The following ARHGAP26 variants were observed in gnomAD, a reference collection of about 807,000 sequenced individuals.
ARHGAP26 encodes Rho GTPase activating protein 26.
A neutral mutation model predicts 104.8 loss-of-function variants in ARHGAP26; 38 were observed. The ratio of observed to expected loss-of-function variants is 0.36; its 90% CI spans 0.28 to 0.48. ARHGAP26 has a LOEUF of 0.48. Ranked by LOEUF, ARHGAP26 falls within the 20% of genes least tolerant of loss-of-function variation. The pLI is 0.99. For missense variants in ARHGAP26, 704 were observed against 947.9 expected (o/e 0.74, Z 3.38); for synonymous variants, 341 against 340.0 (o/e 1.00, Z -0.03).
At chr5:143,084,684 A>G (rs922281729) in intron 17 of ARHGAP26, among the ~76,000 whole-genome samples, 1 of 152,170 alleles carries the variant, frequency 6.6e-6, no homozygotes, top group Non-Finnish European at 1.5e-5. Context: ...TGCTTTGGGA[A>G]TAACCAGCTG....
intron 10 of ARHGAP26, chr5:142,921,856 T>C (rs576913851): frequency 1.3e-5 from 2 of 152,346 alleles, no homozygotes; most frequent in East Asian, 3.8e-4. Context: ...TCTGAAAACA[T>C]GGCTGTTGAA....
intron 12 of ARHGAP26, among the ~76,000 whole-genome samples, chr5:143,027,940 G>A (rs1221382786): frequency 6.6e-6 from 1 of 152,184 alleles, no homozygotes; most frequent in Non-Finnish European, 1.5e-5. Flanking sequence ...TTGTTCACTG[G>A]AGTTGAGAGC....
intron 11 of ARHGAP26, among the ~76,000 whole-genome samples, chr5:142,949,020 G>A (rs1456030026): frequency 1.3e-5 from 2 of 151,680 alleles, no homozygotes; most frequent in Non-Finnish European, 2.9e-5. Context: ...CAGGAGAATC[G>A]CTTGAACCTG....
chr5:143,215,192 A>G (rs1456121979), intron 22 of ARHGAP26, among the ~76,000 whole-genome samples: 1 of 152,226 alleles, frequency 6.6e-6, no homozygotes, highest in Non-Finnish European at 1.5e-5. Context: ...GTCAGCAAGG[A>G]AGGGGCTTCT....
intron 11 of ARHGAP26, among the ~76,000 whole-genome samples, chr5:142,980,868 A>G (rs530707692): frequency 1.1e-3 from 174 of 152,226 alleles, no homozygotes; most frequent in African/African-American, 3.1e-3. Flanking sequence ...GAGGGTTTCA[A>G]TTGTTCCATG....
chr5:142,954,465 A>G (rs1015129596), intron 11 of ARHGAP26, among the ~76,000 whole-genome samples: 2 of 151,754 alleles, frequency 1.3e-5, no homozygotes, highest in South Asian at 2.1e-4. Context: ...CGCAACCTCA[A>G]CTCTTCTGGA....
chr5:142,977,185 G>C (rs996201901), intron 11 of ARHGAP26, among the ~76,000 whole-genome samples: 2 of 152,208 alleles, frequency 1.3e-5, no homozygotes. Context: ...AAGAACAGAT[G>C]TTCCTCATAA....
chr5:143,168,943 G>A (rs1263235945), intron 20 of ARHGAP26: 3 of 152,186 alleles, frequency 2.0e-5, no homozygotes, highest in Non-Finnish European at 2.9e-5. Context: ...TCATTTGGAT[G>A]GGTAGCATCC....
intron 11 of ARHGAP26, among the ~76,000 whole-genome samples, chr5:142,957,478 T>A (rs1053412588): frequency 6.6e-6 from 1 of 152,206 alleles, no homozygotes; most frequent in Non-Finnish European, 1.5e-5. Flanking sequence ...TTGGTCCTCA[T>A]GTTAGGGGAT....
At chr5:142,959,630 A>C (rs145453074) in intron 11 of ARHGAP26, among the ~76,000 whole-genome samples, 1 of 152,206 alleles carries the variant, frequency 6.6e-6, no homozygotes, top group Non-Finnish European at 1.5e-5. Context: ...AATCCACCCT[A>C]TGCTTCACAT....
intron 17 of ARHGAP26, among the ~76,000 whole-genome samples, chr5:143,113,002 A>T (rs1202680229): frequency 2.0e-5 from 3 of 152,182 alleles, no homozygotes; most frequent in Admixed American, 1.3e-4. Flanking sequence ...GATCAATGGT[A>T]ATTCTGAGTC....
In ARHGAP26 at chr5:142,873,328, A is replaced by T. The variant is rs1755610938; in HGVS notation, c.155-72A>T. The T allele has an allele frequency of 1.1e-5, 12 of 1,129,678 alleles. No individual in the cohort carries two copies. The South Asian group carries it at 1.4e-4, about 13-fold the overall frequency. 70.0% of individuals were successfully genotyped at this position (1,129,678 alleles called of 1,614,324 possible). ...CTCCTAAGATATTCCTAGAAGGACC[A>T]ATAAGGGCAGCAAATCAGAAAGCCA... is the stretch of plus-strand genomic sequence containing the variant. On this transcript the variant is annotated intron_variant, in intron 1 of 22. Transcript: ENST00000645722.
rs1380973361 is a variant in ARHGAP26 at position 142,963,163 on chromosome 5, GGTATATATGTAT to G, written c.1107+31039_1107+31050del. ...TTTTTATGGCTGTGTAGTATTCCATGGTATATATGTATATATATATATATATATATATATATG... is the reference window on the plus strand; with the variant it reads ...TTTTTATGGCTGTGTAGTATTCCATGATATATATATATATATATATATATG... On this transcript the variant is annotated intron_variant, in intron 11 of 22. Transcript: ENST00000645722. 9.9e-3 allele frequency among the ~76,000 whole-genome samples: 1,111 copies of G among 112,168 alleles called. 42 individuals are homozygous for G. The highest frequency in any genetic ancestry group is 0.03 in the African/African-American group (686 of 23,002). 73.6% of individuals were successfully genotyped at this position (112,168 alleles called of 152,430 possible). A position where few individuals can be genotyped will look rare whatever the true frequency, so the allele number is the denominator to read the frequency against.
At chr5:143,198,453 A>T (rs567844647) in intron 20 of ARHGAP26, among the ~76,000 whole-genome samples, 1 of 152,340 alleles carries the variant, frequency 6.6e-6, no homozygotes, top group South Asian at 2.1e-4. Context: ...ACTTAGGTTC[A>T]ACAGGAAAGA....
intron 11 of ARHGAP26, among the ~76,000 whole-genome samples, chr5:142,960,374 G>A (rs1770016650): frequency 6.6e-6 from 1 of 152,242 alleles, no homozygotes; most frequent in South Asian, 2.1e-4. Flanking sequence ...GCAGTTCACT[G>A]CAGTCCCAAA....
intron 11 of ARHGAP26, among the ~76,000 whole-genome samples, chr5:143,004,462 C>T (rs568762448): frequency 6.6e-6 from 1 of 152,232 alleles, no homozygotes; most frequent in South Asian, 2.1e-4. Context: ...ATGATTAAAC[C>T]CCAAATGCAG....
intron 13 of ARHGAP26, among the ~76,000 whole-genome samples, chr5:143,039,031 G>A (rs1047820617): frequency 9.9e-5 from 15 of 152,082 alleles, no homozygotes; most frequent in Admixed American, 7.2e-4. Flanking sequence ...CAAAGCAGCT[G>A]CTCAGTATGA....
chr5:142,969,294 T>C (rs886098503), intron 11 of ARHGAP26: 4 of 152,184 alleles, frequency 2.6e-5, no homozygotes, highest in Non-Finnish European at 5.9e-5. Flanking sequence ...TCCACTAGTA[T>C]AAAAAATGCC....
chr5:143,165,456 T>G (rs1801805839), intron 20 of ARHGAP26: 1 of 152,242 alleles, frequency 6.6e-6, no homozygotes, highest in Non-Finnish European at 1.5e-5. Flanking sequence ...TAAGAACCAC[T>G]CCCTCATTCT....
Sources: allele counts gnomAD v4.1 joint callset (sites outside exome capture counted in the v4.1 genomes callset), GRCh38; gene constraint gnomAD v4.1.1; transcripts MANE v1.5; gene names NCBI Gene and HGNC (gene_info 2026-07-23, HGNC 2026-07-21).